Variants in NBEA observed in about 807,000 individuals in gnomAD.
NBEA encodes lysosomal-trafficking regulator 2.
NBEA carries 44 observed loss-of-function variants against 343.4 expected under a neutral mutation model. That is an observed-to-expected ratio of 0.13 (90% CI 0.10 to 0.16). NBEA has a LOEUF of 0.16. Among genes scored for constraint, NBEA ranks in the 10% least tolerant of loss-of-function variants. NBEA has a pLI of 1.00. For missense variants in NBEA, 2,555 were observed against 3,631.3 expected, an observed-to-expected ratio of 0.70 and a Z score of 7.62; for synonymous variants, 1,175 against 1,238.7, an observed-to-expected ratio of 0.95 and a Z score of 1.08.
intron 18 of NBEA, among the ~76,000 whole-genome samples, chr13:35,144,555 C>T (rs192553628): frequency 2.0e-4 from 30 of 152,218 alleles, no homozygotes; most frequent in Non-Finnish European, 4.0e-4. Flanking sequence ...GCTAGTCATG[C>T]GAAACTGCTG....
chr13:34,972,104 T>C lies in NBEA; in HGVS notation c.294+28990T>C, dbSNP rs151283664. On this transcript the variant is annotated intron_variant, in intron 1 of 58. Transcript: ENST00000379939. Reference sequence around the variant, plus strand: ...TGTTCAGGAATTTATCCATTTTTTTTCTACATTTTTAAGTTTATATGCATA... The same window carrying C: ...TGTTCAGGAATTTATCCATTTTTTTCCTACATTTTTAAGTTTATATGCATA... Among the ~76,000 whole-genome samples, 237 of 152,312 alleles carry C rather than the reference T, an allele frequency of 1.6e-3. 2 individuals are homozygous for C. Among genetic ancestry groups the C allele is most frequent in the African/African-American group, 5.6e-3 (231 of 41,586 alleles).
intron 31 of NBEA, among the ~76,000 whole-genome samples, chr13:35,200,650 T>G (rs1199644789): frequency 6.6e-6 from 1 of 151,960 alleles, no homozygotes; most frequent in African/African-American, 2.4e-5. Flanking sequence ...TTACTGGGTT[T>G]GATATATTCA....
chr13:34,945,364 G>A (rs2059155183), intron 1 of NBEA, among the ~76,000 whole-genome samples: 1 of 152,014 alleles, frequency 6.6e-6, no homozygotes, highest in Non-Finnish European at 1.5e-5. Context: ...TGTAGATTTA[G>A]GGCTTTATTG....
rs528238570 is a variant in NBEA at position 35,405,104 on chromosome 13, G to T, written c.6180-27165G>T. On this transcript the variant is annotated intron_variant, in intron 38 of 58. Transcript: ENST00000379939. ...TTCAGTAAGTATTGCATTAAAAATT[G>T]TTATGTTTGAAAAGAAACAAATCTG... is the stretch of plus-strand genomic sequence containing the variant. Among the ~76,000 whole-genome samples the T allele has an allele frequency of 5.9e-5, 9 of 152,202 alleles. No homozygotes were observed. The East Asian group carries it at 1.7e-3, about 29-fold the overall frequency.
chr13:35,504,699 T>C (rs2077008624), intron 41 of NBEA, among the ~76,000 whole-genome samples: 1 of 152,130 alleles, frequency 6.6e-6, no homozygotes, highest in Non-Finnish European at 1.5e-5. Flanking sequence ...CTGGCACAAT[T>C]ATGGCTCACT....
Position 35,118,275 on chromosome 13 carries a change from A to T in NBEA, c.2130A>T (p.Leu710=). The part of the protein sequence containing the change: ...EDELQSILNY[L]LTMHEDENIH... ...AACTTCAGAGTATATTAAATTACCTACTTACGATGCATGAGGTAGGACATG... is the reference window on the plus strand; with the variant it reads ...AACTTCAGAGTATATTAAATTACCTTCTTACGATGCATGAGGTAGGACATG... Residue 710 remains leucine (L), a synonymous_variant, in exon 15 of 59, where the codon CTA becomes CTT. Transcript: ENST00000379939. 6.4e-7 allele frequency: 1 copy of T among 1,564,174 alleles called. No homozygotes were observed. Among genetic ancestry groups the T allele is most frequent in the South Asian group, 1.2e-5 (1 of 83,880 alleles).
chr13:35,328,091 T>C (rs1320043519), intron 36 of NBEA, among the ~76,000 whole-genome samples: 2 of 151,980 alleles, frequency 1.3e-5, no homozygotes, highest in Admixed American at 6.6e-5. Context: ...CTGGAGTTCT[T>C]GGCCAGTTCA....
intron 41 of NBEA, among the ~76,000 whole-genome samples, chr13:35,538,231 A>G (rs979675812): frequency 2.0e-5 from 3 of 152,152 alleles, no homozygotes; most frequent in African/African-American, 7.2e-5. Flanking sequence ...TGAAAATGAA[A>G]TTTGTTTATG....
At chr13:35,449,655 T>C (rs1404549254) in intron 39 of NBEA, among the ~76,000 whole-genome samples, 1 of 152,212 alleles carries the variant, frequency 6.6e-6, no homozygotes, top group Non-Finnish European at 1.5e-5. Context: ...AAGATTACTC[T>C]TGGGCTGGCT....
At chr13:35,315,063 C>T (rs957878421) in intron 36 of NBEA, among the ~76,000 whole-genome samples, 4 of 152,302 alleles carry the variant, frequency 2.6e-5, no homozygotes, top group Admixed American at 2.0e-4. Flanking sequence ...ATCCCATTTG[C>T]ATGCACATAT....
At chr13:35,542,866 C>A (rs960195735) in intron 41 of NBEA, among the ~76,000 whole-genome samples, 1 of 151,874 alleles carries the variant, frequency 6.6e-6, no homozygotes, top group African/African-American at 2.4e-5. Flanking sequence ...CAAATAAGCT[C>A]TTTTTTCAAA....
intron 8 of NBEA, among the ~76,000 whole-genome samples, chr13:35,069,547 A>T (rs529310577): frequency 1.3e-5 from 2 of 152,242 alleles, no homozygotes; most frequent in East Asian, 3.9e-4. Context: ...GGCACTGTTT[A>T]TTTACACAAA....
intron 41 of NBEA, among the ~76,000 whole-genome samples, chr13:35,484,401 A>AG (rs760040297): frequency 6.6e-6 from 1 of 151,794 alleles, no homozygotes. Context: ...ATAACTCTTC[A>AG]GGGGGAAAAA....
At chr13:35,568,322 G>C (rs969012543) in intron 45 of NBEA, among the ~76,000 whole-genome samples, 2 of 152,122 alleles carry the variant, frequency 1.3e-5, no homozygotes, top group African/African-American at 4.8e-5. Flanking sequence ...TAAAAGATCA[G>C]TTAGCCAACA....
At chr13:35,251,587 G>T in intron 34 of NBEA, 1 of 1,218,272 alleles carries the variant, frequency 8.2e-7, no homozygotes, top group South Asian at 1.6e-5. Flanking sequence ...AGAAGCAGTG[G>T]AAGCCAAACA....
intron 30 of NBEA, among the ~76,000 whole-genome samples, chr13:35,192,398 C>T (rs2072268797): frequency 6.6e-6 from 1 of 151,838 alleles, no homozygotes; most frequent in Admixed American, 6.6e-5. Context: ...TATAAAATAT[C>T]CTATTGGCAT....
chr13:35,079,791 AG>A (rs1593272966), intron 10 of NBEA, among the ~76,000 whole-genome samples: 1 of 152,164 alleles, frequency 6.6e-6, no homozygotes, highest in East Asian at 1.9e-4. Flanking sequence ...AAAGTAGGTT[AG>A]GTCACTCACT....
intron 38 of NBEA, among the ~76,000 whole-genome samples, chr13:35,424,462 C>G (rs890551223): frequency 2.0e-5 from 3 of 152,080 alleles, no homozygotes; most frequent in Non-Finnish European, 2.9e-5. Context: ...TATTGATTTG[C>G]GTATGTTGAA....
intron 41 of NBEA, among the ~76,000 whole-genome samples, chr13:35,537,952 A>G: frequency 6.6e-6 from 1 of 152,168 alleles, no homozygotes; most frequent in East Asian, 1.9e-4. Context: ...GCTGTGTTCT[A>G]GCTTCTTCCC....
Sources: allele counts gnomAD v4.1 joint callset (sites outside exome capture counted in the v4.1 genomes callset), GRCh38; gene constraint gnomAD v4.1.1; transcripts MANE v1.5; gene names NCBI Gene and HGNC (gene_info 2026-07-23, HGNC 2026-07-21).